Variants in ESR1 observed in about 807,000 individuals in gnomAD.
The protein encoded by ESR1 is estrogen receptor.
A neutral mutation model predicts 52.7 loss-of-function variants in ESR1; 12 were observed. The observed-to-expected ratio is 0.23, with a 90% CI of 0.15 to 0.37. The LOEUF is 0.37. ESR1 is among the 10% of genes least tolerant of loss of function. The pLI is 1.00. For missense variants in ESR1, 584 were observed against 779.7 expected (o/e 0.75, Z 2.99); for synonymous variants, 305 against 316.8 (o/e 0.96, Z 0.39).
intron 2 of ESR1, among the ~76,000 whole-genome samples, chr6:151,750,055 A>G (rs978499295): frequency 3.3e-5 from 5 of 152,220 alleles, no homozygotes; most frequent in Non-Finnish European, 5.9e-5. Context: ...GTGTTATCAG[A>G]GAATGACACT....
chr6:152,098,267 G>A lies in ESR1; in HGVS notation c.1554-465G>A, dbSNP rs1244480764. Among the ~76,000 whole-genome samples, 2 of 152,112 alleles carry A rather than the reference G, an allele frequency of 1.3e-5. No individual in the cohort carries two copies. The highest frequency in any genetic ancestry group is 6.5e-5 in the Admixed American group (1 of 15,276). Reference sequence around the variant, plus strand: ...TATTCTGAGTTAAATGGGAAGTGACGTGAGAGATTTAACAATGGAGCGTCT... The same window carrying A: ...TATTCTGAGTTAAATGGGAAGTGACATGAGAGATTTAACAATGGAGCGTCT... On this transcript the variant is annotated intron_variant, in intron 7 of 7. Coordinates refer to ENST00000206249, the MANE Select transcript of ESR1 (RefSeq NM_000125.4). The surrounding 1 kb of genome is among the most constrained non-coding windows in gnomAD (Gnocchi z 5.1).
At chr6:151,962,768 T>A (rs1367851681) in intron 4 of ESR1, among the ~76,000 whole-genome samples, 1 of 152,206 alleles carries the variant, frequency 6.6e-6, no homozygotes, top group African/African-American at 2.4e-5. Context: ...CCTTTCAAGT[T>A]GGTTTTCTTT....
chr6:151,705,466 A>G (rs540839098), intron 2 of ESR1, among the ~76,000 whole-genome samples: 16 of 152,358 alleles, frequency 1.1e-4, no homozygotes, highest in African/African-American at 3.4e-4. Context: ...AGATGGAAAG[A>G]AGATGACTCA....
intron 2 of ESR1, among the ~76,000 whole-genome samples, chr6:151,740,181 C>T (rs972264641): frequency 6.6e-6 from 1 of 151,698 alleles, no homozygotes; most frequent in South Asian, 2.1e-4. Flanking sequence ...TGCAGTGGTG[C>T]GACCTCTGCT....
chr6:152,020,238 G>T (rs1157156107), intron 5 of ESR1, among the ~76,000 whole-genome samples: 1 of 152,054 alleles, frequency 6.6e-6, no homozygotes, highest in Non-Finnish European at 1.5e-5. Context: ...CATTTATCCT[G>T]CCTAGAAGCA....
chr6:151,715,202 AT>A (rs1780933847), intron 2 of ESR1, among the ~76,000 whole-genome samples: 1 of 152,168 alleles, frequency 6.6e-6, no homozygotes, highest in Non-Finnish European at 1.5e-5. Context: ...CTGCAGAGTG[AT>A]CCACTGTTAG....
At chr6:151,755,900 G>A (rs1442930132) in intron 2 of ESR1, among the ~76,000 whole-genome samples, 1 of 151,996 alleles carries the variant, frequency 6.6e-6, no homozygotes, top group African/African-American at 2.4e-5. Context: ...CGAAGTGCTG[G>A]GATTACAGGT....
chr6:151,783,184 C>T (rs1281196292), intron 2 of ESR1, among the ~76,000 whole-genome samples: 1 of 152,228 alleles, frequency 6.6e-6, no homozygotes, highest in Non-Finnish European at 1.5e-5. Context: ...CAGCCCCAGT[C>T]AGCTCCCCAA....
At chr6:151,896,015 C>T (rs1427931618) in intron 3 of ESR1, among the ~76,000 whole-genome samples, 1 of 152,208 alleles carries the variant, frequency 6.6e-6, no homozygotes, top group Non-Finnish European at 1.5e-5. Flanking sequence ...GTCTTGAACT[C>T]CTGACCTCGT....
intron 2 of ESR1, among the ~76,000 whole-genome samples, chr6:151,711,090 G>A (rs967922830): frequency 7.2e-5 from 11 of 152,090 alleles, no homozygotes; most frequent in African/African-American, 2.7e-4. Context: ...TGGGTCAAAC[G>A]GTATTTCTAG....
chr6:151,733,097 C>T (rs12661342), intron 2 of ESR1, among the ~76,000 whole-genome samples: 3 of 152,158 alleles, frequency 2.0e-5, no homozygotes, highest in Admixed American at 6.5e-5. Context: ...GTGTCATTTT[C>T]TAAGTACTTT....
At chr6:151,871,320 G>A (rs1260882240) in intron 2 of ESR1, among the ~76,000 whole-genome samples, 1 of 152,138 alleles carries the variant, frequency 6.6e-6, no homozygotes, top group South Asian at 2.1e-4. Context: ...TTAAGTGTAC[G>A]GTTCAGTGGC....
At chr6:152,005,552 G>A (rs2042265207) in intron 4 of ESR1, among the ~76,000 whole-genome samples, 1 of 151,962 alleles carries the variant, frequency 6.6e-6, no homozygotes. Flanking sequence ...CTTCTATTGG[G>A]CAGAAATTGC....
chr6:152,030,403 C>A (rs1407079128), intron 5 of ESR1, among the ~76,000 whole-genome samples: 3 of 151,988 alleles, frequency 2.0e-5, no homozygotes, highest in Admixed American at 6.6e-5. Context: ...ATCTCACGTG[C>A]AGAGACACAC....
intron 6 of ESR1, among the ~76,000 whole-genome samples, chr6:152,115,726 C>A (rs919949125): frequency 1.3e-5 from 2 of 152,080 alleles, no homozygotes; most frequent in African/African-American, 2.4e-5. Flanking sequence ...AAAAATGGAG[C>A]ACAAAACAGA....
chr6:152,020,184 T>A (rs2043510554), intron 5 of ESR1, among the ~76,000 whole-genome samples: 1 of 152,230 alleles, frequency 6.6e-6, no homozygotes, highest in Non-Finnish European at 1.5e-5. Context: ...AATTCATTCT[T>A]GACATTGCCA....
intron 3 of ESR1, among the ~76,000 whole-genome samples, chr6:151,926,194 C>T (rs577107444): frequency 2.0e-3 from 303 of 152,268 alleles, no homozygotes; most frequent in African/African-American, 5.8e-3. Context: ...ACTAGTCCAT[C>T]TGTTTATACT....
rs1784892780 is a variant in ESR1 at position 151,764,443 on chromosome 6, G to T, written c.-70-43400G>T. 2.0e-5 allele frequency among the ~76,000 whole-genome samples: 3 copies of T among 152,100 alleles called. No individual in the cohort carries two copies. In the South Asian group the frequency reaches 6.2e-4, roughly 32 times the overall value. On this transcript the variant is annotated intron_variant, in intron 2 of 2. Coordinates refer to the ESR1 transcript ENST00000404742. ...CTGCCTCAGCCGCGAAAGACCAAGG[G>T]GTGGCACCACAGGGAGAAGTCTGCA...
intron 3 of ESR1, among the ~76,000 whole-genome samples, chr6:151,900,019 G>A (rs1410398115): frequency 1.3e-5 from 2 of 152,198 alleles, no homozygotes; most frequent in African/African-American, 4.8e-5. Context: ...CTGCAATCTC[G>A]GCACTTTGGG....
Sources: gnomAD v4.1 joint callset for allele counts (sites outside exome capture counted in the v4.1 genomes callset) on GRCh38, gnomAD v4.1.1 for gene constraint, Gnocchi (gnomAD v3.1) non-coding constraint, MANE v1.5 for transcripts, NCBI Gene and HGNC (gene_info 2026-07-23, HGNC 2026-07-21) for gene names.